Variants in TMEM108 observed in about 807,000 individuals in gnomAD.
TMEM108 encodes the protein cancer/testis antigen 124.
In TMEM108, 12 loss-of-function variants were observed where a neutral mutation model predicts 35.1. The ratio of observed to expected loss-of-function variants is 0.34; its 90% CI spans 0.22 to 0.55. The LOEUF (loss-of-function observed/expected upper bound fraction) is 0.55. Among genes scored for constraint, TMEM108 ranks in the 20% least tolerant of loss-of-function variants. The pLI, the probability that TMEM108 is intolerant of heterozygous loss-of-function variation, is 0.89. For synonymous variants in TMEM108, 287 were observed against 308.6 expected (o/e 0.93, Z 0.73); for missense variants, 680 against 753.3 (o/e 0.90, Z 1.14).
intron 2 of TMEM108, among the ~76,000 whole-genome samples, chr3:133,120,126 A>C (rs73007469): frequency 0.063 from 9,627 of 152,318 alleles, 1,027 homozygotes; most frequent in African/African-American, 0.22. Context: ...TATTCATAAA[A>C]CAACTTCTGT....
Position 133,229,295 on chromosome 3 carries a change from C to T in TMEM108, c.-17C>T. 1.2e-6 allele frequency: 2 copies of T among 1,610,470 alleles called. No individual in the cohort carries two copies. Among genetic ancestry groups the T allele is most frequent in the Non-Finnish European group, 1.7e-6 (2 of 1,178,298 alleles). On this transcript the variant is annotated 5_prime_UTR_variant, in exon 3 of 6. An upstream open reading frame in the 5' UTR gains an earlier in-frame stop. Transcript: ENST00000321871. ...AATCATGAATAAACTGGAGGATAAGCAGGACCAGATGATACCATGAAGAGA... is the reference window on the plus strand; with the variant it reads ...AATCATGAATAAACTGGAGGATAAGTAGGACCAGATGATACCATGAAGAGA...
At chr3:133,267,424 G>A (rs1043549453) in intron 3 of TMEM108, among the ~76,000 whole-genome samples, 2 of 152,174 alleles carry the variant, frequency 1.3e-5, no homozygotes, top group African/African-American at 4.8e-5. Context: ...CAGCTAGAGA[G>A]TGGATCTCAA....
intron 2 of TMEM108, among the ~76,000 whole-genome samples, chr3:133,177,115 G>A (rs1290938557): frequency 6.6e-6 from 1 of 152,154 alleles, no homozygotes; most frequent in Admixed American, 6.5e-5. Context: ...GACTAAACCA[G>A]GAAGAAGTTG....
At chr3:133,104,178 A>G (rs1448154049) in intron 2 of TMEM108, among the ~76,000 whole-genome samples, 1 of 152,132 alleles carries the variant, frequency 6.6e-6, no homozygotes, top group Non-Finnish European at 1.5e-5. Flanking sequence ...TGATTTCTCT[A>G]CCTATAAAAT....
intron 3 of TMEM108, among the ~76,000 whole-genome samples, chr3:133,240,230 G>T (rs1440294554): frequency 1.3e-5 from 2 of 152,126 alleles, no homozygotes; most frequent in Non-Finnish European, 2.9e-5. Context: ...CTTCTGAGGG[G>T]TAAGTCATTC....
At chr3:133,224,675 A>G (rs1433959069) in intron 2 of TMEM108, among the ~76,000 whole-genome samples, 1 of 152,138 alleles carries the variant, frequency 6.6e-6, no homozygotes, top group African/African-American at 2.4e-5. Context: ...GCCTTCCACC[A>G]TGATTGTGAG....
At chr3:133,265,261 C>G (rs1416238606) in intron 3 of TMEM108, among the ~76,000 whole-genome samples, 2 of 152,158 alleles carry the variant, frequency 1.3e-5, no homozygotes, top group Non-Finnish European at 2.9e-5. Context: ...AGCTTTTGTT[C>G]CTGTCTCTAA....
chr3:133,370,921 T>TGTGC (rs142623622), intron 3 of TMEM108, among the ~76,000 whole-genome samples: 58 of 139,400 alleles, frequency 4.2e-4, no homozygotes, highest in African/African-American at 1.1e-3. Flanking sequence ...TGTGTGTGTG[T>TGTGC]GCCAGGAAGC....
chr3:133,107,455 G>GGT (rs59305794), intron 2 of TMEM108, among the ~76,000 whole-genome samples: 18,540 of 143,370 alleles, frequency 0.13, 1,262 homozygotes, highest in African/African-American at 0.19. Context: ...AAGTGTATGT[G>GGT]GTGTGTGTGT....
chr3:133,068,291 G>T (rs1943634834), intron 2 of TMEM108, among the ~76,000 whole-genome samples: 1 of 152,098 alleles, frequency 6.6e-6, no homozygotes, highest in African/African-American at 2.4e-5. Context: ...AATGGGAAAA[G>T]GTTAGCCAGG....
intron 3 of TMEM108, among the ~76,000 whole-genome samples, chr3:133,236,467 G>A (rs1389240266): frequency 1.3e-5 from 2 of 152,066 alleles, no homozygotes; most frequent in South Asian, 2.1e-4. Context: ...TGAATTATAT[G>A]TATGTATACG....
intron 2 of TMEM108, among the ~76,000 whole-genome samples, chr3:133,141,135 T>C (rs1000290756): frequency 6.6e-6 from 1 of 152,194 alleles, no homozygotes; most frequent in Admixed American, 6.5e-5. Flanking sequence ...ACTCAGGAGA[T>C]CTTGAGGCCA....
At chr3:133,050,392 A>G (rs1161281083) in intron 2 of TMEM108, among the ~76,000 whole-genome samples, 1 of 152,196 alleles carries the variant, frequency 6.6e-6, no homozygotes, top group Non-Finnish European at 1.5e-5. Flanking sequence ...AGGAAGATAC[A>G]GATTTCCCAT....
At chr3:133,274,020 T>C (rs533207248) in intron 3 of TMEM108, among the ~76,000 whole-genome samples, 1 of 152,356 alleles carries the variant, frequency 6.6e-6, no homozygotes, top group South Asian at 2.1e-4. Context: ...TTAAGTACTT[T>C]TTCAGTTGAG....
intron 1 of TMEM108, among the ~76,000 whole-genome samples, chr3:133,042,175 TA>T (rs1943283237): frequency 6.6e-6 from 1 of 152,172 alleles, no homozygotes; most frequent in Admixed American, 6.5e-5. Context: ...ATGGGAAGGT[TA>T]TAGTGTATAA....
chr3:133,168,596 A>T (rs971441155), intron 2 of TMEM108, among the ~76,000 whole-genome samples: 2 of 152,206 alleles, frequency 1.3e-5, no homozygotes, highest in African/African-American at 4.8e-5. Flanking sequence ...AAAACGGACC[A>T]ATCAGCACTC....
chr3:133,054,419 A>G (rs532402339), intron 2 of TMEM108, among the ~76,000 whole-genome samples: 43 of 152,350 alleles, frequency 2.8e-4, no homozygotes, highest in African/African-American at 9.4e-4. Context: ...TGTGTTGCAC[A>G]GGAATAATGG....
chr3:133,050,424 C>CCCT (rs1171512805), intron 2 of TMEM108, among the ~76,000 whole-genome samples: 1 of 152,136 alleles, frequency 6.6e-6, no homozygotes, highest in Non-Finnish European at 1.5e-5. Flanking sequence ...TCCTCCTACT[C>CCCT]CCTATACATG....
intron 2 of TMEM108, among the ~76,000 whole-genome samples, chr3:133,130,047 A>G (rs1944470873): frequency 8.3e-5 from 2 of 24,122 alleles, no homozygotes; most frequent in Admixed American, 4.2e-4. Context: ...ACTAATCGGC[A>G]TTGTTGGTGA....
Sources: gnomAD v4.1 joint callset for allele counts (sites outside exome capture counted in the v4.1 genomes callset) on GRCh38, gnomAD v4.1.1 for gene constraint, MANE v1.5 for transcripts, NCBI Gene and HGNC (gene_info 2026-07-23, HGNC 2026-07-21) for gene names.